MNAT1: variants seen among roughly 807,000 people sequenced by gnomAD.
MNAT1 encodes the protein CDK-activating kinase assembly factor MAT1.
A neutral mutation model predicts 42.0 loss-of-function variants in MNAT1; 43 were observed. That is an observed-to-expected ratio of 1.02 (90% CI 0.80 to 1.32). MNAT1 has a LOEUF of 1.32. MNAT1 is among the 40% of genes most tolerant of loss of function. MNAT1 has a pLI of 0.00. For missense variants in MNAT1, 306 were observed against 350.4 expected, an observed-to-expected ratio of 0.87 and a Z score of 1.01; for synonymous variants, 118 against 120.0, an observed-to-expected ratio of 0.98 and a Z score of 0.11.
intron 6 of MNAT1, among the ~76,000 whole-genome samples, chr14:60,845,601 A>G (rs1232915928): frequency 6.6e-6 from 1 of 152,082 alleles, no homozygotes; most frequent in Non-Finnish European, 1.5e-5. Flanking sequence ...TTTTAGTAAT[A>G]TTAAAGAGAT....
chr14:60,852,787 A>G (rs942991820), intron 6 of MNAT1, among the ~76,000 whole-genome samples: 2 of 152,138 alleles, frequency 1.3e-5, no homozygotes, highest in African/African-American at 2.4e-5. Context: ...TCCCAACACC[A>G]TTTATTAAAT....
At chr14:60,929,248 T>A (rs1033245685) in intron 7 of MNAT1, among the ~76,000 whole-genome samples, 1 of 149,740 alleles carries the variant, frequency 6.7e-6, no homozygotes, top group Non-Finnish European at 1.5e-5. Context: ...GTTATTTTAT[T>A]TTTTAATGAT....
At chr14:60,874,804 A>AC (rs1281848005) in intron 6 of MNAT1, among the ~76,000 whole-genome samples, 1 of 152,128 alleles carries the variant, frequency 6.6e-6, no homozygotes, top group Non-Finnish European at 1.5e-5. Flanking sequence ...CATCTAAAAA[A>AC]CTTTTAAACA....
At chr14:60,890,256 A>T (rs556257089) in intron 7 of MNAT1, among the ~76,000 whole-genome samples, 1 of 152,132 alleles carries the variant, frequency 6.6e-6, no homozygotes, top group South Asian at 2.1e-4. Flanking sequence ...ATACACCATG[A>T]TTTGCATTTG....
chr14:60,935,376 A>T (rs933289611), intron 7 of MNAT1, among the ~76,000 whole-genome samples: 1 of 132,332 alleles, frequency 7.6e-6, no homozygotes, highest in African/African-American at 2.8e-5. Context: ...TATAGTTGAT[A>T]TTGAAATACT....
chr14:60,897,396 T>G (rs2034979261), intron 7 of MNAT1, among the ~76,000 whole-genome samples: 1 of 152,156 alleles, frequency 6.6e-6, no homozygotes, highest in Admixed American at 6.5e-5. Flanking sequence ...TAATCATATG[T>G]AAAGCTGAGA....
At chr14:60,822,087 T>C (rs1160078852) in intron 6 of MNAT1, among the ~76,000 whole-genome samples, 1 of 152,220 alleles carries the variant, frequency 6.6e-6, no homozygotes, top group Non-Finnish European at 1.5e-5. Context: ...TTTTTACCTG[T>C]GGTATGTTTT....
chr14:60,778,596 G>A (rs1314796347), intron 1 of MNAT1, among the ~76,000 whole-genome samples: 3 of 152,134 alleles, frequency 2.0e-5, no homozygotes, highest in Admixed American at 6.5e-5. Context: ...CCACTAATAC[G>A]GGATCTTGAG....
chr14:60,858,676 C>T (rs867169445), intron 6 of MNAT1, among the ~76,000 whole-genome samples: 3 of 152,102 alleles, frequency 2.0e-5, no homozygotes, highest in Admixed American at 6.6e-5. Context: ...CATTGTTGTG[C>T]CATTTTAAGA....
intron 1 of MNAT1, among the ~76,000 whole-genome samples, chr14:60,781,441 T>A (rs886785426): frequency 7.2e-5 from 11 of 152,260 alleles, no homozygotes; most frequent in Admixed American, 7.2e-4. Context: ...TTTAATAGTA[T>A]TGTGTTTCCC....
At chr14:60,742,703 T>C (rs1896509985) in intron 1 of MNAT1, among the ~76,000 whole-genome samples, 2 of 152,236 alleles carry the variant, frequency 1.3e-5, no homozygotes. Flanking sequence ...TTTCTGACTA[T>C]GTAGATTTTC....
chr14:60,844,405 G>T (rs963732028), intron 6 of MNAT1, among the ~76,000 whole-genome samples: 1 of 151,964 alleles, frequency 6.6e-6, no homozygotes, highest in Non-Finnish European at 1.5e-5. Context: ...GCAATGTTTT[G>T]TAGTTTTCAG....
At chr14:60,910,284 A>G (rs1327216144) in intron 7 of MNAT1, among the ~76,000 whole-genome samples, 4 of 152,152 alleles carry the variant, frequency 2.6e-5, no homozygotes, top group Admixed American at 2.0e-4. Context: ...GGACAATTTG[A>G]CTTCCTCTTT....
At chr14:60,821,220 G>C (rs2032881008) in intron 6 of MNAT1, among the ~76,000 whole-genome samples, 2 of 152,104 alleles carry the variant, frequency 1.3e-5, no homozygotes, top group African/African-American at 2.4e-5. Context: ...GAGCTCAAGT[G>C]ATCCTCCTGC....
intron 7 of MNAT1, among the ~76,000 whole-genome samples, chr14:60,899,785 T>G (rs1019891800): frequency 6.6e-6 from 1 of 152,228 alleles, no homozygotes; most frequent in African/African-American, 2.4e-5. Context: ...GCATTTCGTT[T>G]TATTACTTTT....
At chr14:60,851,137 G>A (rs936460480) in intron 6 of MNAT1, among the ~76,000 whole-genome samples, 1 of 152,184 alleles carries the variant, frequency 6.6e-6, no homozygotes, top group African/African-American at 2.4e-5. Context: ...TGGTCATCAA[G>A]TAGAATTACT....
At chr14:60,818,266 T>TA (rs887403367) in intron 5 of MNAT1, among the ~76,000 whole-genome samples, 1 of 151,984 alleles carries the variant, frequency 6.6e-6, no homozygotes, top group African/African-American at 2.4e-5. Context: ...TGGTTGTACT[T>TA]ACAATAGTTT....
In MNAT1 at chr14:60,740,154, T is replaced by TA. The variant is rs1195441833; in HGVS notation, c.89+5212dup. Among the ~76,000 whole-genome samples the TA allele has an allele frequency of 2.0e-5, 3 of 151,506 alleles. No homozygotes were observed. The highest frequency in any genetic ancestry group is 1.9e-4 in the East Asian group (1 of 5,174). ...TAGGCTACAGAGCAAGACTCCATCTTAAAAAAAAATTAATTTCTATCCCAA... is the reference window on the plus strand; with the variant it reads ...TAGGCTACAGAGCAAGACTCCATCTTAAAAAAAAAATTAATTTCTATCCCAA... On this transcript the variant is annotated intron_variant, in intron 1 of 7. Coordinates refer to ENST00000261245, the MANE Select transcript of MNAT1 (RefSeq NM_002431.4). The surrounding 1 kb of genome is among the most constrained non-coding windows in gnomAD (Gnocchi z 4.1).
chr14:60,854,411 C>T (rs909952778), intron 6 of MNAT1, among the ~76,000 whole-genome samples: 2 of 152,196 alleles, frequency 1.3e-5, no homozygotes, highest in African/African-American at 2.4e-5. Context: ...AGCATTTTTA[C>T]GCAGGTTTTT....
Sources: gnomAD v4.1 joint callset for allele counts (sites outside exome capture counted in the v4.1 genomes callset) on GRCh38, gnomAD v4.1.1 for gene constraint, Gnocchi (gnomAD v3.1) non-coding constraint, MANE v1.5 for transcripts, NCBI Gene and HGNC (gene_info 2026-07-23, HGNC 2026-07-21) for gene names.